ADAM12: variants seen among roughly 807,000 people sequenced by gnomAD.
ADAM12 encodes ADAM metallopeptidase domain 12.
In ADAM12, 70 loss-of-function variants were observed where a neutral mutation model predicts 106.4. That is an observed-to-expected ratio of 0.66 (90% CI 0.54 to 0.80). ADAM12 has a LOEUF of 0.80. ADAM12 is among the 30% of genes least tolerant of loss of function. The probability of loss-of-function intolerance (pLI) is 0.00; values close to 1 mark genes in which losing one functional copy is unlikely to be tolerated. For synonymous variants in ADAM12, 420 were observed against 433.5 expected, an observed-to-expected ratio of 0.97 and a Z score of 0.39; for missense variants, 1,010 against 1,171.9, an observed-to-expected ratio of 0.86 and a Z score of 2.02.
At chr10:126,197,621 G>A (rs1209071176) in intron 3 of ADAM12, among the ~76,000 whole-genome samples, 1 of 152,214 alleles carries the variant, frequency 6.6e-6, no homozygotes, top group African/African-American at 2.4e-5. Flanking sequence ...AAGGAAGGCC[G>A]GATGGTTGAG....
At chr10:126,180,265 G>C (rs556442399) in intron 3 of ADAM12, among the ~76,000 whole-genome samples, 5 of 152,188 alleles carry the variant, frequency 3.3e-5, no homozygotes. Flanking sequence ...GTTTGAATCC[G>C]AGCTTTCTGA....
At chr10:126,296,875 T>A (rs1960406552) in intron 2 of ADAM12, among the ~76,000 whole-genome samples, 1 of 152,250 alleles carries the variant, frequency 6.6e-6, no homozygotes, top group Non-Finnish European at 1.5e-5. Flanking sequence ...ACCTAACAAC[T>A]TATTCTGTGA....
chr10:126,055,443 C>T (rs1674889), intron 14 of ADAM12, among the ~76,000 whole-genome samples: 83,035 of 152,116 alleles, frequency 0.55, 22,899 homozygotes, highest in Admixed American at 0.64. Flanking sequence ...CAGCAGGCCA[C>T]TTGTAATTAA....
intron 3 of ADAM12, among the ~76,000 whole-genome samples, chr10:126,162,388 G>A (rs757821436): frequency 1.3e-5 from 2 of 152,142 alleles, no homozygotes; most frequent in Admixed American, 6.5e-5. Context: ...AGCGGGCAAC[G>A]CGCAGAGGGG....
chr10:126,288,185 G>A (rs1959967256), intron 2 of ADAM12, among the ~76,000 whole-genome samples: 1 of 152,154 alleles, frequency 6.6e-6, no homozygotes, highest in African/African-American at 2.4e-5. Flanking sequence ...TGGGACACAA[G>A]TGGCTGTACA....
chr10:126,316,039 C>G (rs945908321), intron 2 of ADAM12, among the ~76,000 whole-genome samples: 1 of 152,106 alleles, frequency 6.6e-6, no homozygotes, highest in African/African-American at 2.4e-5. Flanking sequence ...TATATGCCCC[C>G]GTGGTCTTGT....
intron 3 of ADAM12, chr10:126,272,902 G>T: frequency 3.8e-6 from 1 of 266,036 alleles, no homozygotes; most frequent in Non-Finnish European, 8.1e-6. Flanking sequence ...TAGAAAACTT[G>T]TTCTCTTGGG....
intron 5 of ADAM12, among the ~76,000 whole-genome samples, chr10:126,125,254 T>A (rs572167846): frequency 6.7e-6 from 1 of 149,442 alleles, no homozygotes; most frequent in East Asian, 1.9e-4. Context: ...CTTTTCTTTT[T>A]TTTTTTTTTG....
intron 3 of ADAM12, among the ~76,000 whole-genome samples, chr10:126,165,960 C>A (rs896970265): frequency 1.3e-5 from 2 of 152,148 alleles, no homozygotes; most frequent in Admixed American, 1.3e-4. Context: ...CTAAAAGATT[C>A]AAAATGATCA....
At chr10:126,236,043 A>G (rs1958409666) in intron 3 of ADAM12, among the ~76,000 whole-genome samples, 1 of 152,094 alleles carries the variant, frequency 6.6e-6, no homozygotes, top group African/African-American at 2.4e-5. Flanking sequence ...GCAGGCGCTG[A>G]GGCTCTGCCA....
intron 1 of ADAM12, among the ~76,000 whole-genome samples, chr10:126,357,855 T>A (rs1855595695): frequency 6.6e-6 from 1 of 152,164 alleles, no homozygotes; most frequent in Admixed American, 6.5e-5. Context: ...CATTTCATGA[T>A]GAGATTTGGA....
At chr10:126,148,466 G>A (rs952524664) in intron 4 of ADAM12, among the ~76,000 whole-genome samples, 1 of 152,190 alleles carries the variant, frequency 6.6e-6, no homozygotes, top group Non-Finnish European at 1.5e-5. Flanking sequence ...AGGACCAGCT[G>A]TTCTGGGCTG....
chr10:126,187,029 C>T (rs1957411505), intron 3 of ADAM12, among the ~76,000 whole-genome samples: 1 of 152,180 alleles, frequency 6.6e-6, no homozygotes, highest in Non-Finnish European at 1.5e-5. Flanking sequence ...TGGTCTTCCC[C>T]TGTGTCTTTC....
At chr10:126,369,928 A>G (rs1856051551) in intron 1 of ADAM12, among the ~76,000 whole-genome samples, 1 of 152,130 alleles carries the variant, frequency 6.6e-6, no homozygotes, top group African/African-American at 2.4e-5. Flanking sequence ...CCATGATTGG[A>G]TTATACAACT....
chr10:126,288,609 G>A (rs1959991808), intron 2 of ADAM12, among the ~76,000 whole-genome samples: 1 of 150,908 alleles, frequency 6.6e-6, no homozygotes, highest in Admixed American at 6.6e-5. Context: ...GAACAGAACA[G>A]TGTGGTGACA....
At chr10:126,019,980 C>A (rs986521242) in intron 21 of ADAM12, among the ~76,000 whole-genome samples, 155 bp from the exon 22 acceptor site, 1 of 152,090 alleles carries the variant, frequency 6.6e-6, no homozygotes, top group Admixed American at 6.5e-5. Context: ...AATCTTCTTG[C>A]CAAAATTTTC....
intron 7 of ADAM12, among the ~76,000 whole-genome samples, chr10:126,109,482 T>C (rs2133599360): frequency 1.3e-5 from 2 of 152,322 alleles, no homozygotes; most frequent in South Asian, 2.1e-4. Flanking sequence ...TTTTAGAATA[T>C]AATCTAAAGC....
chr10:126,277,762 T>C (rs1265627076), intron 3 of ADAM12, among the ~76,000 whole-genome samples: 1 of 152,084 alleles, frequency 6.6e-6, no homozygotes, highest in Admixed American at 6.6e-5. Context: ...TCTGATCTAT[T>C]TAATGGTGAG....
chr10:126,106,909 A>G (rs1420326803), intron 8 of ADAM12, among the ~76,000 whole-genome samples: 5 of 152,154 alleles, frequency 3.3e-5, no homozygotes. Flanking sequence ...GCTTAAAAAC[A>G]TTCACCTAGC....
Sources: allele counts gnomAD v4.1 joint callset (sites outside exome capture counted in the v4.1 genomes callset), GRCh38; gene constraint gnomAD v4.1.1; transcripts MANE v1.5; gene names NCBI Gene and HGNC (gene_info 2026-07-23, HGNC 2026-07-21).